The following MYO18A variants were observed in gnomAD, a reference collection of about 807,000 sequenced individuals.
MYO18A encodes myosin XVIIIA, also known as unconventional myosin-XVIIIa.
In MYO18A, 78 loss-of-function variants were observed where a neutral mutation model predicts 235.8. That is an observed-to-expected ratio of 0.33 (90% confidence interval 0.28 to 0.40). MYO18A has a LOEUF of 0.40. MYO18A is among the 10% of genes least tolerant of loss of function. The pLI is 1.00. For synonymous variants in MYO18A, 977 were observed against 1,077.8 expected, an observed-to-expected ratio of 0.91 and a Z score of 1.83; for missense variants, 2,215 against 2,699.3, an observed-to-expected ratio of 0.82 and a Z score of 3.98.
chr17:29,098,722 G>T, intron 23 of MYO18A, 104 bp downstream of exon 23: 1 of 1,445,162 alleles, frequency 6.9e-7, no homozygotes, highest in Non-Finnish European at 9.4e-7. Flanking sequence ...ACATTTCAAG[G>T]ATGACAGCTC....
rs186554943 is a variant in MYO18A, at chr17:29,090,105, G to A, written c.5389-7C>T. The A allele has an allele frequency of 1.7e-3, 2,724 of 1,610,268 alleles. 10 individuals are homozygous for A. Among genetic ancestry groups the A allele is most frequent in the Middle Eastern group, 3.3e-3 (20 of 6,056 alleles). ...GGCTCTGGAGGGCTTGTAGCTAGAG[G>A]TGGGGGACAGGAAGAGAAGAAAGAA... On this transcript the variant is annotated splice_polypyrimidine_tract_variant and splice_region_variant and intron_variant, in intron 36 of 41. Coordinates refer to ENST00000527372, the MANE Select transcript of MYO18A (RefSeq NM_078471.4).
chr17:29,164,707 C>G (rs139184558), intron 2 of MYO18A, among the ~76,000 whole-genome samples: 1 of 152,210 alleles, frequency 6.6e-6, no homozygotes, highest in Non-Finnish European at 1.5e-5. Flanking sequence ...ACTTGTCCTT[C>G]GTATACTATC....
In MYO18A at chr17:29,125,714, A is replaced by C. The variant is rs1466899762; in HGVS notation, c.1000-3461T>G. ...ACAGGACTTTGGGCTCTCTGGAGGAACCACTCTCCCCAGAGCACTTCTCTC... is the reference window on the plus strand; with the variant it reads ...ACAGGACTTTGGGCTCTCTGGAGGACCCACTCTCCCCAGAGCACTTCTCTC... On this transcript the variant is annotated intron_variant, in intron 2 of 41. Coordinates refer to ENST00000527372, the MANE Select transcript of MYO18A (RefSeq NM_078471.4). This position sits in a 1 kb window ranked among gnomAD's most constrained non-coding sequence, Gnocchi z 5.1. 3.3e-5 allele frequency among the ~76,000 whole-genome samples: 5 copies of C among 152,158 alleles called. No individual in the cohort carries two copies. Among genetic ancestry groups the C allele is most frequent in the Admixed American group, 3.3e-4 (5 of 15,280 alleles).
Position 29,109,915 on chromosome 17 carries a change from G to A in MYO18A, c.3274C>T (p.Leu1092Phe). ...AGLLQLDVPL[L>F]RTQLRGSRLL... ...CGGGAGCCGCGGAGCTGGGTGCGGA[G>A]CAGGGGCACGTCGAGCTGCAGGAGC... The change falls in exon 19 of 42, where the codon CTC becomes TTC. Residue 1092 changes from leucine (L) to phenylalanine (F), a missense_variant. Coordinates refer to ENST00000527372, the MANE Select transcript of MYO18A (RefSeq NM_078471.4). The surrounding 1 kb of genome is among the most constrained non-coding windows in gnomAD (Gnocchi z 4.1). 1.9e-6 allele frequency: 3 copies of A among 1,590,278 alleles called. No homozygotes were observed. The highest frequency in any genetic ancestry group is 1.7e-6 in the Non-Finnish European group (2 of 1,168,606).
At position 29,073,477 on chromosome 17, in the gene MYO18A, A is replaced by C. The variant is rs190883320; in HGVS notation, c.*1293T>G. 12 of 178,628 alleles carry C rather than the reference A, an allele frequency of 6.7e-5. No homozygotes were observed. Among genetic ancestry groups the C allele is most frequent in the Non-Finnish European group, 1.3e-4 (11 of 84,574 alleles). The allele number at this position is 178,628 out of a possible 1,614,324, so 11.1% of individuals were successfully genotyped here. ...CCCACCACCCCCAGGACCAATCCAGACTTTGCCTGAGCCTGAAGGAACAGG... is the reference window on the plus strand; with the variant it reads ...CCCACCACCCCCAGGACCAATCCAGCCTTTGCCTGAGCCTGAAGGAACAGG... On this transcript the variant is annotated 3_prime_UTR_variant, in exon 42 of 42. Transcript: ENST00000527372.
chr17:29,107,437 C>A, intron 19 of MYO18A: 1 of 475,788 alleles, frequency 2.1e-6, no homozygotes, highest in Non-Finnish European at 3.9e-6. Flanking sequence ...GAACAGCCTC[C>A]TTCAGAGAGA....
At chr17:29,082,185 A>G in intron 41 of MYO18A, 131 bp downstream of exon 41, 1 of 1,228,874 alleles carries the variant, frequency 8.1e-7, no homozygotes, top group South Asian at 1.4e-5. Flanking sequence ...ACATGCCAGA[A>G]GCATGCCCGG....
intron 38 of MYO18A, 149 bp downstream of exon 38, chr17:29,086,786 GC>G: frequency 8.7e-7 from 1 of 1,148,710 alleles, no homozygotes; most frequent in Non-Finnish European, 1.2e-6. Context: ...TTCCTGGCCT[GC>G]CCTCTTGATA....
At chr17:29,095,188 G>A (rs2066492184) in intron 28 of MYO18A, 129 bp from the exon 29 acceptor site, 6 of 1,336,690 alleles carry the variant, frequency 4.5e-6, no homozygotes, top group Non-Finnish European at 5.0e-6. Context: ...CCTAACGTGG[G>A]GCCAGTTGTA....
rs200761046 is a variant in MYO18A at position 29,166,313 on chromosome 17, C to T, written c.628G>A (p.Val210Met). Reference sequence around the variant, plus strand: ...AGGGTAGGTGGGGGCAGGGGCACCACGGGGGGCAGGCGCAGGTCGACTGGG... The same window carrying T: ...AGGGTAGGTGGGGGCAGGGGCACCATGGGGGGCAGGCGCAGGTCGACTGGG... The part of the protein sequence containing the change: ...KFPVDLRLPP[V>M]VPLPPPTLRE... Residue 210 changes from valine (V) to methionine (M), a missense_variant, in exon 2 of 42, where the codon GTG becomes ATG. Transcript: ENST00000527372. The T allele has an allele frequency of 3.1e-6, 5 of 1,612,512 alleles. No homozygotes were observed. The highest frequency in any genetic ancestry group is 2.2e-5 in the East Asian group (1 of 44,878).
At chr17:29,165,909 C>A (rs2068271400) in intron 2 of MYO18A, 33 bp downstream of exon 2, 2 of 1,586,696 alleles carry the variant, frequency 1.3e-6, no homozygotes, top group African/African-American at 1.3e-5. Context: ...TTCCCCATCC[C>A]TGCTTAGCCC....
intron 21 of MYO18A, 94 bp downstream of exon 21, chr17:29,103,505 G>A (rs2066706705): frequency 7.9e-7 from 1 of 1,272,532 alleles, no homozygotes; most frequent in Non-Finnish European, 1.1e-6. Context: ...GACTGGTGAT[G>A]TCTGGCTGAG....
intron 31 of MYO18A, 73 bp from the exon 32 acceptor site, chr17:29,093,500 G>T: frequency 8.6e-7 from 1 of 1,167,408 alleles, no homozygotes; most frequent in Non-Finnish European, 1.2e-6. Flanking sequence ...TTCCATTCTG[G>T]GTTCCCCACT....
intron 10 of MYO18A, 37 bp from the exon 11 acceptor site, chr17:29,116,492 A>C (rs1367207235): frequency 1.2e-6 from 2 of 1,613,720 alleles, no homozygotes. Flanking sequence ...CATGCAAAGA[A>C]AAACAGTGTG....
At position 29,106,655 on chromosome 17, in the gene MYO18A, T is replaced by G. The variant is rs1259690987; in HGVS notation, c.3441+425A>C. The stretch of plus-strand genomic sequence containing the variant: ...CGGCAAATGGCCCGGCAGCCTATGT[T>G]CACCTGGCACCACGGAGGTCTCACC... On this transcript the variant is annotated intron_variant, in intron 20 of 41. Coordinates refer to ENST00000527372, the MANE Select transcript of MYO18A (RefSeq NM_078471.4). This position sits in a 1 kb window ranked among gnomAD's most constrained non-coding sequence, Gnocchi z 4.6. Among the ~76,000 whole-genome samples the G allele has an allele frequency of 6.6e-6, 1 of 152,166 alleles. No homozygotes were observed.
At chr17:29,108,288 G>T (rs1407626540) in intron 19 of MYO18A, among the ~76,000 whole-genome samples, 2 of 152,274 alleles carry the variant, frequency 1.3e-5, no homozygotes, top group South Asian at 2.1e-4. Context: ...CCTGAAGAGT[G>T]TCTGGGCTTC....
chr17:29,107,603 T>TAAAAAAAA (rs35996808), intron 19 of MYO18A: 1 of 102,852 alleles, frequency 9.7e-6, no homozygotes, highest in Non-Finnish European at 1.9e-5. Flanking sequence ...CTTATGGTCT[T>TAAAAAAAA]AAAAAAAAAA....
At chr17:29,130,273 C>A in intron 2 of MYO18A, among the ~76,000 whole-genome samples, 1 of 122,766 alleles carries the variant, frequency 8.1e-6, no homozygotes, top group African/African-American at 3.2e-5. Flanking sequence ...GCATTCCAGC[C>A]TGGGTGACAG....
intron 41 of MYO18A, chr17:29,078,676 G>A (rs2066043811): frequency 6.6e-6 from 1 of 152,228 alleles, no homozygotes; most frequent in Non-Finnish European, 1.5e-5. Context: ...CATAAGCAGG[G>A]TGATCTAAAA....
Sources: gnomAD v4.1 joint callset for allele counts (sites outside exome capture counted in the v4.1 genomes callset) on GRCh38, gnomAD v4.1.1 for gene constraint, Gnocchi (gnomAD v3.1) non-coding constraint, MANE v1.5 for transcripts, NCBI Gene and HGNC (gene_info 2026-07-23, HGNC 2026-07-21) for gene names.